ALCAM: variants seen among roughly 807,000 people sequenced by gnomAD.
ALCAM encodes activated leukocyte cell adhesion molecule.
Under a neutral mutation model 70.9 loss-of-function variants are expected in ALCAM, and 30 were observed. That is an observed-to-expected ratio of 0.42 (90% CI 0.32 to 0.57). The LOEUF (loss-of-function observed/expected upper bound fraction) is 0.57, where lower values mean the gene tolerates loss of function less well. Among genes scored for constraint, ALCAM ranks in the 20% least tolerant of loss-of-function variants. The pLI is 0.11. For missense variants in ALCAM, 591 were observed against 695.1 expected (o/e 0.85, Z 1.68); for synonymous variants, 249 against 242.5 (o/e 1.03, Z -0.25).
intron 1 of ALCAM, among the ~76,000 whole-genome samples, chr3:105,476,859 G>T (rs762407033): frequency 6.6e-6 from 1 of 152,050 alleles, no homozygotes. Flanking sequence ...AACTCCAGTT[G>T]TATCTCCCAG....
intron 14 of ALCAM, among the ~76,000 whole-genome samples, chr3:105,559,472 A>G (rs955403422): frequency 6.6e-5 from 10 of 152,086 alleles, no homozygotes; most frequent in African/African-American, 1.9e-4. Flanking sequence ...TTTCTAGTTC[A>G]TAGAGGTGCC....
intron 1 of ALCAM, among the ~76,000 whole-genome samples, chr3:105,411,441 A>T (rs1206396325): frequency 1.3e-5 from 2 of 152,082 alleles, no homozygotes; most frequent in Non-Finnish European, 2.9e-5. Flanking sequence ...TGGAAGTGGT[A>T]GTAGTAGCAG....
At chr3:105,412,542 A>G (rs957971384) in intron 1 of ALCAM, among the ~76,000 whole-genome samples, 3 of 152,104 alleles carry the variant, frequency 2.0e-5, no homozygotes, top group African/African-American at 7.2e-5. Context: ...TTGTATTTGC[A>G]CTTTTGCGTT....
chr3:105,439,858 C>T (rs1937133366), intron 1 of ALCAM, among the ~76,000 whole-genome samples: 1 of 152,158 alleles, frequency 6.6e-6, no homozygotes, highest in South Asian at 2.1e-4. Context: ...CCCTGTGATG[C>T]AGACACTGTT....
At chr3:105,474,495 C>T (rs1310348926) in intron 1 of ALCAM, among the ~76,000 whole-genome samples, 1 of 151,608 alleles carries the variant, frequency 6.6e-6, no homozygotes, top group Admixed American at 6.6e-5. Context: ...AAGAGATTTA[C>T]CGTAACCTTA....
At chr3:105,489,273 G>A (rs1244012753) in intron 1 of ALCAM, among the ~76,000 whole-genome samples, 3 of 151,960 alleles carry the variant, frequency 2.0e-5, no homozygotes, top group Admixed American at 1.3e-4. Context: ...TAGAGGGTGC[G>A]GTGCCGAGAT....
At chr3:105,419,912 A>G (rs12637538) in intron 1 of ALCAM, among the ~76,000 whole-genome samples, 24,205 of 151,766 alleles carry the variant, frequency 0.16, 2,205 homozygotes, top group East Asian at 0.37. Flanking sequence ...GCCAACATGA[A>G]TATTTGTTGA....
intron 6 of ALCAM, among the ~76,000 whole-genome samples, chr3:105,538,675 G>A (rs1265566169): frequency 6.6e-6 from 1 of 152,034 alleles, no homozygotes; most frequent in Non-Finnish European, 1.5e-5. Flanking sequence ...GTCAGAGAAG[G>A]GCCAAGTAAG....
At chr3:105,446,644 CACACACAT>C (rs953032261) in intron 1 of ALCAM, among the ~76,000 whole-genome samples, 2 of 149,990 alleles carry the variant, frequency 1.3e-5, no homozygotes, top group Non-Finnish European at 3.0e-5. Flanking sequence ...CACACACACA[CACACACAT>C]AATGGAGTAC....
chr3:105,556,342 A>C (rs950884463), intron 14 of ALCAM, among the ~76,000 whole-genome samples: 1 of 152,070 alleles, frequency 6.6e-6, no homozygotes, highest in African/African-American at 2.4e-5. Context: ...ACTGGAAGCA[A>C]GTGTTAACCA....
chr3:105,517,117 A>G (rs1305699360), intron 1 of ALCAM, among the ~76,000 whole-genome samples: 1 of 152,024 alleles, frequency 6.6e-6, no homozygotes, highest in Non-Finnish European at 1.5e-5. Flanking sequence ...TTTATCACCA[A>G]ATCACCATGG....
At chr3:105,574,010 A>T (rs951652892) in intron 15 of ALCAM, among the ~76,000 whole-genome samples, 1 of 152,192 alleles carries the variant, frequency 6.6e-6, no homozygotes, top group Non-Finnish European at 1.5e-5. Flanking sequence ...TTGGAGGTCA[A>T]GTATGCAGCA....
At chr3:105,522,803 C>T (rs1939580323) in intron 2 of ALCAM, among the ~76,000 whole-genome samples, 2 of 152,194 alleles carry the variant, frequency 1.3e-5, no homozygotes, top group African/African-American at 2.4e-5. Context: ...TTAAGTTTAA[C>T]TTATAAGGCT....
intron 1 of ALCAM, among the ~76,000 whole-genome samples, chr3:105,415,287 G>C (rs1221755904): frequency 6.6e-6 from 1 of 152,126 alleles, no homozygotes; most frequent in Non-Finnish European, 1.5e-5. Flanking sequence ...GCCTCAAAAA[G>C]AACAAGTATG....
At chr3:105,462,178 G>A (rs1010694549) in intron 1 of ALCAM, among the ~76,000 whole-genome samples, 7 of 151,624 alleles carry the variant, frequency 4.6e-5, no homozygotes, top group Non-Finnish European at 7.4e-5. Context: ...AATTTGATCA[G>A]CTAATGAACA....
intron 1 of ALCAM, among the ~76,000 whole-genome samples, chr3:105,392,182 G>A (rs779620864): frequency 6.6e-6 from 1 of 151,922 alleles, no homozygotes; most frequent in African/African-American, 2.4e-5. Flanking sequence ...GAATTCAGCT[G>A]TAAATCCTTC....
chr3:105,549,024 T>G (rs1940320931), intron 11 of ALCAM, among the ~76,000 whole-genome samples: 1 of 151,508 alleles, frequency 6.6e-6, no homozygotes, highest in African/African-American at 2.4e-5. Flanking sequence ...TGAGAAAATA[T>G]ATTTTGTAGA....
chr3:105,447,501 C>A (rs571402088), intron 1 of ALCAM, among the ~76,000 whole-genome samples: 1 of 152,272 alleles, frequency 6.6e-6, no homozygotes, highest in East Asian at 1.9e-4. Flanking sequence ...GAGCTTGAGA[C>A]CAGCCTAGGC....
At chr3:105,484,016 A>T (rs1450328355) in intron 1 of ALCAM, among the ~76,000 whole-genome samples, 2 of 152,100 alleles carry the variant, frequency 1.3e-5, no homozygotes, top group Non-Finnish European at 2.9e-5. Flanking sequence ...GTAAAAATGA[A>T]GATATTTGAT....
Sources: allele counts gnomAD v4.1 joint callset (sites outside exome capture counted in the v4.1 genomes callset), GRCh38; gene constraint gnomAD v4.1.1; transcripts MANE v1.5; gene names NCBI Gene and HGNC (gene_info 2026-07-23, HGNC 2026-07-21).